Variants in CDC42BPA observed in about 807,000 individuals in gnomAD.
CDC42BPA encodes CDC42 binding protein kinase alpha, also known as serine/threonine-protein kinase MRCK alpha.
A neutral mutation model predicts 223.5 loss-of-function variants in CDC42BPA; 80 were observed. That is an observed-to-expected ratio of 0.36 (90% CI 0.30 to 0.43). CDC42BPA has a LOEUF of 0.43. Ranked by LOEUF, CDC42BPA falls within the 20% of genes least tolerant of loss-of-function variation. The probability of loss-of-function intolerance (pLI) is 1.00; values close to 1 mark genes in which losing one functional copy is unlikely to be tolerated. For missense variants in CDC42BPA, 1,743 were observed against 2,099.9 expected (o/e 0.83, Z 3.32); for synonymous variants, 694 against 718.6 (o/e 0.97, Z 0.55).
At chr1:227,287,940 A>G (rs1327166037) in intron 1 of CDC42BPA, among the ~76,000 whole-genome samples, 1 of 152,236 alleles carries the variant, frequency 6.6e-6, no homozygotes, top group Admixed American at 6.5e-5. Context: ...TGAGGGGATT[A>G]AACACATCCT....
intron 1 of CDC42BPA, among the ~76,000 whole-genome samples, chr1:227,269,443 T>A (rs1685609322): frequency 6.6e-6 from 1 of 152,194 alleles, no homozygotes; most frequent in South Asian, 2.1e-4. Flanking sequence ...CATATTCACA[T>A]AACATTGAAA....
intron 1 of CDC42BPA, among the ~76,000 whole-genome samples, chr1:227,271,601 T>C (rs925027745): frequency 6.6e-6 from 1 of 152,196 alleles, no homozygotes; most frequent in African/African-American, 2.4e-5. Flanking sequence ...GCATTCTAGT[T>C]CATCTACTTT....
chr1:227,193,702 T>C (rs906722829), intron 5 of CDC42BPA, 84 bp downstream of exon 5: 1 of 1,102,696 alleles, frequency 9.1e-7, no homozygotes, highest in African/African-American at 1.6e-5. Flanking sequence ...AAGACCATAA[T>C]TAATAAATCT....
intron 2 of CDC42BPA, among the ~76,000 whole-genome samples, chr1:227,248,376 CAA>C (rs1226813529): frequency 6.6e-6 from 1 of 151,802 alleles, no homozygotes; most frequent in East Asian, 1.9e-4. Flanking sequence ...CACACACACA[CAA>C]AAAAACTTAT....
intron 24 of CDC42BPA, among the ~76,000 whole-genome samples, chr1:227,039,565 CCT>C (rs1339175961): frequency 2.0e-5 from 3 of 152,070 alleles, no homozygotes; most frequent in Admixed American, 6.5e-5. Context: ...TCACATGACC[CCT>C]GACCCTCTCT....
chr1:227,113,253 A>C (rs1687216697), intron 12 of CDC42BPA, among the ~76,000 whole-genome samples: 1 of 152,248 alleles, frequency 6.6e-6, no homozygotes, highest in Non-Finnish European at 1.5e-5. Flanking sequence ...TTCATAAAAA[A>C]CAAGTGTTGC....
At chr1:227,012,566 T>C (rs1665428428) in intron 34 of CDC42BPA, among the ~76,000 whole-genome samples, 1 of 152,148 alleles carries the variant, frequency 6.6e-6, no homozygotes, top group African/African-American at 2.4e-5. Flanking sequence ...ATAAACTTTC[T>C]AAGCTTATAA....
At chr1:227,035,744 T>C (rs1420061319) in intron 24 of CDC42BPA, 137 bp from the exon 25 acceptor site, 7 of 594,396 alleles carry the variant, frequency 1.2e-5, no homozygotes, top group Non-Finnish European at 1.9e-5. Context: ...GTTTTATCAT[T>C]TGGGTAGCTG....
At chr1:227,084,527 CAA>C (rs577067399) in intron 16 of CDC42BPA, among the ~76,000 whole-genome samples, 20 of 91,068 alleles carry the variant, frequency 2.2e-4, no homozygotes, top group Non-Finnish European at 1.6e-4. Context: ...GACTTCATCT[CAA>C]AAAAAAAAAA....
chr1:227,030,238 T>C (rs572213831), intron 29 of CDC42BPA, among the ~76,000 whole-genome samples, 170 bp downstream of exon 29: 24 of 152,268 alleles, frequency 1.6e-4, no homozygotes, highest in African/African-American at 5.3e-4. Context: ...AGGGGGATTA[T>C]AGAAATTTAA....
chr1:227,081,148 T>C (rs555750153), intron 16 of CDC42BPA, 131 bp from the exon 17 acceptor site: 8 of 820,666 alleles, frequency 9.7e-6, no homozygotes, highest in African/African-American at 8.6e-5. Context: ...TAATCCCTTT[T>C]GCTCACTGAA....
chr1:226,995,199 G>A (rs539972974), intron 35 of CDC42BPA, among the ~76,000 whole-genome samples: 4 of 152,174 alleles, frequency 2.6e-5, no homozygotes, highest in South Asian at 2.1e-4. Flanking sequence ...GGGGACTCCC[G>A]GTGAGCGAGC....
At chr1:227,200,201 T>C (rs1671481818) in intron 3 of CDC42BPA, among the ~76,000 whole-genome samples, 1 of 152,060 alleles carries the variant, frequency 6.6e-6, no homozygotes, top group Non-Finnish European at 1.5e-5. Flanking sequence ...GATGCCGAGG[T>C]GGGCAGATTG....
chr1:227,138,810 T>C (rs949245441), intron 10 of CDC42BPA, among the ~76,000 whole-genome samples: 7 of 152,018 alleles, frequency 4.6e-5, no homozygotes, highest in African/African-American at 9.7e-5. Flanking sequence ...CCAAAGGTAT[T>C]TGACAAAGAG....
At chr1:227,128,998 G>T in intron 11 of CDC42BPA, 111 bp downstream of exon 11, 1 of 734,096 alleles carries the variant, frequency 1.4e-6, no homozygotes, top group Non-Finnish European at 2.2e-6. Flanking sequence ...TGACTAGCAT[G>T]CAACTCACAT....
intron 1 of CDC42BPA, among the ~76,000 whole-genome samples, chr1:227,289,053 T>C (rs12569227): frequency 0.2 from 30,707 of 151,864 alleles, 3,173 homozygotes; most frequent in East Asian, 0.26. Context: ...ATATCACAAA[T>C]CTCCATCTCC....
chr1:227,306,385 C>T (rs138100362), intron 1 of CDC42BPA, among the ~76,000 whole-genome samples: 47 of 152,262 alleles, frequency 3.1e-4, no homozygotes, highest in Admixed American at 1.9e-3. Context: ...TGAGCTACTA[C>T]ACTTAACTGG....
At chr1:227,037,984 G>C (rs906871433) in intron 24 of CDC42BPA, among the ~76,000 whole-genome samples, 2 of 152,078 alleles carry the variant, frequency 1.3e-5, no homozygotes, top group Non-Finnish European at 2.9e-5. Context: ...ATGAAGCTTG[G>C]GTGAAATCAT....
chr1:227,217,447 C>CA (rs34258602), intron 2 of CDC42BPA, among the ~76,000 whole-genome samples: 22,302 of 136,036 alleles, frequency 0.16, 1,936 homozygotes, highest in East Asian at 0.37. Context: ...GACTCTGTCT[C>CA]AAAAAAAAAA....
Sources: gnomAD v4.1 joint callset for allele counts (sites outside exome capture counted in the v4.1 genomes callset) on GRCh38, gnomAD v4.1.1 for gene constraint, MANE v1.5 for transcripts, NCBI Gene and HGNC (gene_info 2026-07-23, HGNC 2026-07-21) for gene names.